The following EFCAB13 variants were observed in gnomAD, a reference collection of about 807,000 sequenced individuals.
EFCAB13 encodes the protein EF-hand calcium-binding domain-containing protein 13.
EFCAB13 carries 91 observed loss-of-function variants against 110.2 expected under a neutral mutation model. That is an observed-to-expected ratio of 0.83 (90% confidence interval 0.70 to 0.98). The LOEUF (loss-of-function observed/expected upper bound fraction) is 0.98. Ranked by LOEUF, EFCAB13 falls within the 50% of genes least tolerant of loss-of-function variation. The probability of loss-of-function intolerance (pLI) is 0.00; values close to 1 mark genes in which losing one functional copy is unlikely to be tolerated. For synonymous variants in EFCAB13, 323 were observed against 369.9 expected, an observed-to-expected ratio of 0.87 and a Z score of 1.45; for missense variants, 968 against 1,119.4, an observed-to-expected ratio of 0.86 and a Z score of 1.93.
intron 19 of EFCAB13, 78 bp downstream of exon 19, chr17:47,404,099 T>G: frequency 8.9e-7 from 1 of 1,121,472 alleles, no homozygotes; most frequent in Non-Finnish European, 1.2e-6. Context: ...AGGTATTTGC[T>G]TATGTTACTA....
intron 23 of EFCAB13, chr17:47,423,415 C>T: frequency 5.6e-6 from 1 of 177,700 alleles, no homozygotes; most frequent in Non-Finnish European, 1.2e-5. Context: ...GTTGAGGGGG[C>T]GTGTTCCCGT....
intron 14 of EFCAB13, among the ~76,000 whole-genome samples, chr17:47,386,769 C>T (rs1045585042): frequency 2.0e-5 from 3 of 152,140 alleles, no homozygotes; most frequent in Non-Finnish European, 2.9e-5. Flanking sequence ...GGTGTAGGCA[C>T]GCGAAGGAAT....
intron 9 of EFCAB13, among the ~76,000 whole-genome samples, chr17:47,351,354 T>C (rs2065452342): frequency 6.7e-6 from 1 of 149,382 alleles, no homozygotes; most frequent in South Asian, 2.1e-4. Context: ...CAGTCATCCA[T>C]TGATGGACAC....
At chr17:47,334,619 T>C (rs1242939485) in intron 4 of EFCAB13, among the ~76,000 whole-genome samples, 2 of 152,200 alleles carry the variant, frequency 1.3e-5, no homozygotes, top group African/African-American at 4.8e-5. Context: ...CTTGATGCCT[T>C]AAGAGCTAGA....
chr17:47,344,739 A>G (rs1442123925), intron 7 of EFCAB13, among the ~76,000 whole-genome samples: 1 of 152,130 alleles, frequency 6.6e-6, no homozygotes, highest in East Asian at 1.9e-4. Context: ...ATTTGCTGTG[A>G]CTTGGATTAA....
intron 10 of EFCAB13, among the ~76,000 whole-genome samples, chr17:47,365,674 G>T (rs148448334): frequency 2.2e-3 from 338 of 152,224 alleles, no homozygotes; most frequent in Non-Finnish European, 3.6e-3. Context: ...GTAAAAGTTG[G>T]TTATATACAA....
intron 8 of EFCAB13, 39 bp downstream of exon 8, chr17:47,345,137 G>A (rs182242459): frequency 2.1e-6 from 3 of 1,429,818 alleles, no homozygotes; most frequent in Non-Finnish European, 9.7e-7. Flanking sequence ...TACATTTCCT[G>A]GTTATGTGCT....
intron 10 of EFCAB13, among the ~76,000 whole-genome samples, chr17:47,361,861 AC>A (rs2065515554): frequency 6.6e-6 from 1 of 152,176 alleles, no homozygotes; most frequent in South Asian, 2.1e-4. Flanking sequence ...AAGTTAGAAG[AC>A]CTAAATTTCT....
At position 47,341,902 on chromosome 17, in the gene EFCAB13, C is replaced by A; in HGVS notation, c.192-19C>A. 2 of 1,328,016 alleles carry A rather than the reference C, an allele frequency of 1.5e-6. No homozygotes were observed. Among genetic ancestry groups the A allele is most frequent in the East Asian group, 2.3e-5 (1 of 42,832 alleles). 82.3% of individuals were successfully genotyped at this position (1,328,016 alleles called of 1,614,324 possible). A position where few individuals can be genotyped will look rare whatever the true frequency, so the allele number is the denominator to read the frequency against. On this transcript the variant is annotated intron_variant, in intron 5 of 24. Coordinates refer to ENST00000331493, the MANE Select transcript of EFCAB13 (RefSeq NM_152347.5). Reference sequence around the variant, plus strand: ...GTAAAAAGAAATTCAAGAATGATTCCAATTTCTGTGTCATTTAGATTTGAA... The same window carrying A: ...GTAAAAAGAAATTCAAGAATGATTCAAATTTCTGTGTCATTTAGATTTGAA...
intron 9 of EFCAB13, among the ~76,000 whole-genome samples, chr17:47,360,809 G>T (rs1436232685): frequency 6.6e-6 from 1 of 152,094 alleles, no homozygotes. Flanking sequence ...TATATAAGGT[G>T]TAAGGAAGGG....
chr17:47,337,852 T>C (rs2065360203), intron 5 of EFCAB13, among the ~76,000 whole-genome samples: 1 of 152,208 alleles, frequency 6.6e-6, no homozygotes, highest in African/African-American at 2.4e-5. Flanking sequence ...CTGTAGCGTA[T>C]GAGTTATAGT....
intron 23 of EFCAB13, among the ~76,000 whole-genome samples, chr17:47,429,059 A>G (rs1905052436): frequency 2.0e-5 from 3 of 152,276 alleles, no homozygotes; most frequent in African/African-American, 7.2e-5. Context: ...GTCCTCTTAC[A>G]TCCAGCAAGC....
At chr17:47,361,840 A>G (rs999565839) in intron 10 of EFCAB13, among the ~76,000 whole-genome samples, 2 of 152,198 alleles carry the variant, frequency 1.3e-5, no homozygotes, top group Non-Finnish European at 2.9e-5. Context: ...TATCAAGAGC[A>G]TTGACTCCAC....
chr17:47,402,146 C>G lies in EFCAB13; in HGVS notation c.1960C>G (p.Gln654Glu). ...TTTTCTCACAGAAGGTGACAAAGTA[C>G]AATTTGAAGAATTTGCAAAAGTAGT... ...LVTVDEGDKVQFEEFAKVVRN... is the reference protein window; with the variant it reads ...LVTVDEGDKVEFEEFAKVVRN... The change falls in exon 18 of 25, where the codon CAA (glutamine) becomes GAA (glutamate). Residue 654 changes from glutamine (Q) to glutamate (E), a missense_variant. Coordinates refer to ENST00000331493, the MANE Select transcript of EFCAB13 (RefSeq NM_152347.5). 6.2e-7 allele frequency: 1 copy of G among 1,613,880 alleles called. No individual in the cohort carries two copies. Among genetic ancestry groups the G allele is most frequent in the Non-Finnish European group, 8.5e-7 (1 of 1,179,886 alleles).
chr17:47,434,129 C>T (rs887283739), intron 24 of EFCAB13, among the ~76,000 whole-genome samples: 3 of 151,830 alleles, frequency 2.0e-5, no homozygotes, highest in Admixed American at 1.3e-4. Flanking sequence ...CACTTTTCAT[C>T]GATGATATGA....
chr17:47,359,917 T>C (rs1176561605), intron 9 of EFCAB13, among the ~76,000 whole-genome samples: 1 of 151,088 alleles, frequency 6.6e-6, no homozygotes, highest in Non-Finnish European at 1.5e-5. Context: ...AGAATGATGA[T>C]TTCCAATTTC....
intron 5 of EFCAB13, among the ~76,000 whole-genome samples, chr17:47,336,133 T>G (rs1208936833): frequency 6.6e-6 from 1 of 151,874 alleles, no homozygotes; most frequent in Non-Finnish European, 1.5e-5. Flanking sequence ...TGAATAGTTT[T>G]TTTTTTTTTT....
chr17:47,331,284 CATTT>C (rs1451662129), intron 4 of EFCAB13, among the ~76,000 whole-genome samples: 1 of 151,990 alleles, frequency 6.6e-6, no homozygotes, highest in African/African-American at 2.4e-5. Context: ...AATTAGGTCT[CATTT>C]ATTTATTTTT....
intron 10 of EFCAB13, 93 bp downstream of exon 10, chr17:47,361,614 G>C: frequency 9.1e-7 from 1 of 1,095,782 alleles, no homozygotes; most frequent in Non-Finnish European, 1.3e-6. Flanking sequence ...TCTGTCCTTT[G>C]CTTCTCCTTT....
Sources: allele counts gnomAD v4.1 joint callset (sites outside exome capture counted in the v4.1 genomes callset), GRCh38; gene constraint gnomAD v4.1.1; transcripts MANE v1.5; gene names NCBI Gene and HGNC (gene_info 2026-07-23, HGNC 2026-07-21).